Variants in ARHGAP32 observed in about 807,000 individuals in gnomAD.
ARHGAP32 encodes Rho GTPase activating protein 32.
Under a neutral mutation model 186.5 loss-of-function variants are expected in ARHGAP32, and 51 were observed. That is an observed-to-expected ratio of 0.27 (90% confidence interval 0.22 to 0.35). ARHGAP32 has a LOEUF of 0.35. Among genes scored for constraint, ARHGAP32 ranks in the 10% least tolerant of loss-of-function variants. ARHGAP32 has a pLI of 1.00. For synonymous variants in ARHGAP32, 950 were observed against 964.3 expected (o/e 0.99, Z 0.27); for missense variants, 2,186 against 2,623.5 (o/e 0.83, Z 3.64).
At chr11:129,232,152 T>G (rs1944868120) in intron 1 of ARHGAP32, among the ~76,000 whole-genome samples, 1 of 152,164 alleles carries the variant, frequency 6.6e-6, no homozygotes, top group South Asian at 2.1e-4. Context: ...AAACATCCTT[T>G]GTATTAATCT....
chr11:129,207,722 T>C (rs1326076222), intron 1 of ARHGAP32, among the ~76,000 whole-genome samples: 1 of 152,122 alleles, frequency 6.6e-6, no homozygotes, highest in Non-Finnish European at 1.5e-5. Context: ...TGGCTTACCC[T>C]GATGTTTTCT....
chr11:129,150,145 C>T (rs1156638077), intron 2 of ARHGAP32, among the ~76,000 whole-genome samples: 3 of 145,456 alleles, frequency 2.1e-5, no homozygotes, highest in African/African-American at 5.0e-5. Flanking sequence ...AAAAAATGAA[C>T]AGAGCCTCCA....
At chr11:129,057,776 C>T (rs79061373) in intron 10 of ARHGAP32, among the ~76,000 whole-genome samples, 4 of 150,858 alleles carry the variant, frequency 2.7e-5, no homozygotes, top group East Asian at 2.0e-4. Flanking sequence ...GGATTAACTG[C>T]GTATTTAGAG....
chr11:129,098,256 G>T (rs1565420957), intron 5 of ARHGAP32, among the ~76,000 whole-genome samples: 1 of 151,906 alleles, frequency 6.6e-6, no homozygotes, highest in East Asian at 1.9e-4. Flanking sequence ...CCCTAATGAA[G>T]AAGTAAGAAC....
intron 2 of ARHGAP32, among the ~76,000 whole-genome samples, chr11:129,151,209 C>T (rs1008041224): frequency 2.6e-5 from 4 of 152,168 alleles, no homozygotes; most frequent in African/African-American, 4.8e-5. Context: ...GCACTTAACA[C>T]GAGGTCTCCC....
intron 5 of ARHGAP32, among the ~76,000 whole-genome samples, chr11:129,103,228 A>G (rs1200736814): frequency 6.6e-6 from 1 of 152,180 alleles, no homozygotes; most frequent in East Asian, 1.9e-4. Flanking sequence ...GATTAAAACT[A>G]TGAAAAAAAG....
In ARHGAP32 at chr11:128,988,016, A is replaced by T; in HGVS notation, c.1298+7T>A. ...AAGGAGTGAAAAAGTGCCATATAAG[A>T]TTTTACCGTAGTCTCTGGATATTGG... On this transcript the variant is annotated splice_region_variant and intron_variant, in intron 13 of 22. Coordinates refer to ENST00000682385, the MANE Select transcript of ARHGAP32 (RefSeq NM_001378024.1). 1 of 1,604,130 alleles carries T rather than the reference A, an allele frequency of 6.2e-7. No homozygotes were observed. Among genetic ancestry groups the T allele is most frequent in the African/African-American group, 1.3e-5 (1 of 74,816 alleles).
chr11:129,198,842 A>G (rs567464543), intron 1 of ARHGAP32, among the ~76,000 whole-genome samples: 1 of 152,358 alleles, frequency 6.6e-6, no homozygotes, highest in Admixed American at 6.5e-5. Flanking sequence ...GAGGACTCAG[A>G]AGAAGAAAGA....
chr11:129,148,851 T>C (rs954622872), intron 2 of ARHGAP32, among the ~76,000 whole-genome samples: 1 of 151,944 alleles, frequency 6.6e-6, no homozygotes, highest in Non-Finnish European at 1.5e-5. Context: ...AGAAACTATA[T>C]AGAACAACAG....
intron 5 of ARHGAP32, among the ~76,000 whole-genome samples, chr11:129,108,183 T>G (rs937407324): frequency 6.6e-6 from 1 of 152,124 alleles, no homozygotes; most frequent in Non-Finnish European, 1.5e-5. Context: ...CAGAGTAAAC[T>G]CTACAATCAT....
intron 1 of ARHGAP32, among the ~76,000 whole-genome samples, chr11:129,267,906 C>A (rs966569450): frequency 2.6e-5 from 4 of 151,954 alleles, no homozygotes; most frequent in African/African-American, 9.7e-5. Flanking sequence ...GGCTCTTTTC[C>A]ACAACCAGCT....
intron 1 of ARHGAP32, among the ~76,000 whole-genome samples, chr11:129,165,268 C>T (rs1005747602): frequency 6.6e-6 from 1 of 151,986 alleles, no homozygotes; most frequent in Middle Eastern, 3.4e-3. Context: ...AAACCCAAAA[C>T]AAACCAAGTA....
At chr11:129,193,682 A>ATATATTATATAATATATATTATATAT (rs1491545489), upstream of ARHGAP32, among the ~76,000 whole-genome samples, 2 of 69,754 alleles carry the variant, frequency 2.9e-5, no homozygotes, top group Non-Finnish European at 2.5e-5. Flanking sequence ...ATAATATATA[A>ATATATTATATAATATATATTATATAT]TATATATTAT....
At chr11:129,262,520 A>AT (rs1461131212) in intron 1 of ARHGAP32, among the ~76,000 whole-genome samples, 6 of 152,066 alleles carry the variant, frequency 3.9e-5, no homozygotes, top group African/African-American at 1.4e-4. Flanking sequence ...AGTAGCTGGG[A>AT]TTACAGGCAT....
chr11:129,226,330 T>A (rs1046630466), intron 1 of ARHGAP32, among the ~76,000 whole-genome samples: 1 of 152,118 alleles, frequency 6.6e-6, no homozygotes, highest in Non-Finnish European at 1.5e-5. Flanking sequence ...CACACCTACA[T>A]ACCATAATCA....
intron 1 of ARHGAP32, among the ~76,000 whole-genome samples, chr11:129,229,856 C>T (rs1944834820): frequency 6.6e-6 from 1 of 152,064 alleles, no homozygotes; most frequent in African/African-American, 2.4e-5. Flanking sequence ...GGGTCTCACT[C>T]ACCCAAGCTG....
At position 129,213,076 on chromosome 11, in the gene ARHGAP32, T is replaced by C. The variant is rs963028031; in HGVS notation, c.-4-48649A>G. ...CCAAACCACAAAAACTTATCTTTCA[T>C]AATATTATATTTCAAATAAAATATA... On this transcript the variant is annotated intron_variant, in intron 1 of 6. Transcript: ENST00000525234. Among the ~76,000 whole-genome samples the C allele has an allele frequency of 8.5e-5, 13 of 152,206 alleles. 1 individual carries two copies. The highest frequency in any genetic ancestry group is 7.9e-4 in the Admixed American group (12 of 15,270).
chr11:129,174,058 C>T (rs1417840736), intron 1 of ARHGAP32, among the ~76,000 whole-genome samples: 1 of 152,214 alleles, frequency 6.6e-6, no homozygotes, highest in Non-Finnish European at 1.5e-5. Flanking sequence ...GAGTGCCAGA[C>T]AGTGGGCACA....
In ARHGAP32 at chr11:128,970,707, T is replaced by C; in HGVS notation, c.4506A>G (p.Pro1502=). ...RPDVTTEPFG[P]DNCLHFNMTP... ...TCATATTGAAATGCAAACAGTTATC[T>C]GGACCAAAGGGTTCAGTGGTGACAT... Residue 1502 remains proline, a synonymous_variant, in exon 23 of 23, where the codon CCA becomes CCG. Coordinates refer to ENST00000682385, the MANE Select transcript of ARHGAP32 (RefSeq NM_001378024.1). This position sits in a 1 kb window ranked among gnomAD's most constrained non-coding sequence, Gnocchi z 5.8. The C allele has an allele frequency of 6.2e-7, 1 of 1,614,180 alleles. No individual in the cohort carries two copies. Among genetic ancestry groups the C allele is most frequent in the South Asian group, 1.1e-5 (1 of 91,088 alleles).
Sources: gnomAD v4.1 joint callset for allele counts (sites outside exome capture counted in the v4.1 genomes callset) on GRCh38, gnomAD v4.1.1 for gene constraint, Gnocchi (gnomAD v3.1) non-coding constraint, MANE v1.5 for transcripts, NCBI Gene and HGNC (gene_info 2026-07-23, HGNC 2026-07-21) for gene names.